WWTR1: variants seen among roughly 807,000 people sequenced by gnomAD.
WWTR1 encodes WW domain containing transcription regulator 1.
In WWTR1, 13 loss-of-function variants were observed where a neutral mutation model predicts 40.1. The ratio of observed to expected loss-of-function variants is 0.32; its 90% CI spans 0.21 to 0.52. The LOEUF is 0.52. WWTR1 is among the 20% of genes least tolerant of loss of function. The pLI is 0.97. For missense variants in WWTR1, 436 were observed against 523.1 expected (o/e 0.83, Z 1.63); for synonymous variants, 230 against 210.1 (o/e 1.09, Z -0.82).
chr3:149,720,124 G>A (rs1715721459), intron 4 of WWTR1, among the ~76,000 whole-genome samples: 3 of 152,064 alleles, frequency 2.0e-5, no homozygotes, highest in East Asian at 3.8e-4. Context: ...AAATTTTCAT[G>A]AAGTCCAATT....
intron 4 of WWTR1, among the ~76,000 whole-genome samples, chr3:149,530,044 A>G (rs1303051084): frequency 2.6e-5 from 4 of 152,182 alleles, no homozygotes; most frequent in African/African-American, 9.7e-5. Flanking sequence ...CTTTATCAAC[A>G]TATGTCTTAA....
chr3:149,588,863 T>G (rs1465891378), intron 2 of WWTR1, among the ~76,000 whole-genome samples: 1 of 151,412 alleles, frequency 6.6e-6, no homozygotes, highest in Non-Finnish European at 1.5e-5. Context: ...TGTCTCTGCC[T>G]TAACTGTGAG....
intron 2 of WWTR1, among the ~76,000 whole-genome samples, chr3:149,636,538 G>A (rs113568466): frequency 1.3e-5 from 2 of 151,704 alleles, no homozygotes; most frequent in South Asian, 2.1e-4. Context: ...ATTTATAGTC[G>A]GGCTAAGAAT....
intron 3 of WWTR1, among the ~76,000 whole-genome samples, chr3:149,568,895 C>T (rs977284858): frequency 3.3e-5 from 5 of 152,130 alleles, no homozygotes; most frequent in East Asian, 1.9e-4. Flanking sequence ...GCCTCCCGAG[C>T]AGCTGGGACT....
chr3:149,561,516 T>C (rs1360281982), intron 3 of WWTR1, among the ~76,000 whole-genome samples: 1 of 152,228 alleles, frequency 6.6e-6, no homozygotes, highest in Non-Finnish European at 1.5e-5. Context: ...TACATACTCT[T>C]TGATCCAGGA....
chr3:149,603,831 C>T (rs1739366359), intron 2 of WWTR1, among the ~76,000 whole-genome samples: 1 of 129,858 alleles, frequency 7.7e-6, no homozygotes. Context: ...AAATCCTCTA[C>T]TGGTGCTACA....
chr3:149,702,820 GAGACTGC>G (rs1483645830), intron 1 of WWTR1: 3 of 152,166 alleles, frequency 2.0e-5, no homozygotes, highest in African/African-American at 7.2e-5. Context: ...CTGCATTTCT[GAGACTGC>G]AAGGCTGTTG....
chr3:149,606,359 T>C (rs1184760922), intron 2 of WWTR1, among the ~76,000 whole-genome samples: 4 of 152,216 alleles, frequency 2.6e-5, no homozygotes, highest in Non-Finnish European at 5.9e-5. Context: ...AAGGCAGTCT[T>C]GGTTTCAAAC....
At chr3:149,665,007 C>G (rs1176837026) in intron 2 of WWTR1, among the ~76,000 whole-genome samples, 2 of 151,882 alleles carry the variant, frequency 1.3e-5, no homozygotes, top group East Asian at 3.9e-4. Flanking sequence ...GTTATTTATC[C>G]TTTAGTATTT....
chr3:149,535,646 C>T (rs1735794166), intron 4 of WWTR1, among the ~76,000 whole-genome samples: 1 of 150,968 alleles, frequency 6.6e-6, no homozygotes, highest in South Asian at 2.1e-4. Flanking sequence ...CAACTGGTTT[C>T]TGTTGTCCTT....
intron 2 of WWTR1, among the ~76,000 whole-genome samples, chr3:149,643,506 A>G (rs148104251): frequency 2.9e-3 from 449 of 152,342 alleles, no homozygotes; most frequent in Non-Finnish European, 4.7e-3. Flanking sequence ...AGTTAGTTAT[A>G]AAACACTGAT....
At chr3:149,557,349 GGC>G (rs1736877093) in intron 3 of WWTR1, among the ~76,000 whole-genome samples, 1 of 152,138 alleles carries the variant, frequency 6.6e-6, no homozygotes. Flanking sequence ...TGGGATTACA[GGC>G]GTGAGCCACT....
At chr3:149,686,024 C>A (rs368615225) in intron 1 of WWTR1, among the ~76,000 whole-genome samples, 3 of 152,262 alleles carry the variant, frequency 2.0e-5, no homozygotes, top group African/African-American at 7.2e-5. Flanking sequence ...GGCTAAGTTT[C>A]TTTGCATGTT....
chr3:149,621,164 T>A (rs1471421040), intron 2 of WWTR1, among the ~76,000 whole-genome samples: 1 of 152,214 alleles, frequency 6.6e-6, no homozygotes, highest in Non-Finnish European at 1.5e-5. Context: ...AAATATGGCA[T>A]TTAAAAGGGC....
At chr3:149,608,206 A>G in intron 2 of WWTR1, among the ~76,000 whole-genome samples, 1 of 152,090 alleles carries the variant, frequency 6.6e-6, no homozygotes, top group Non-Finnish European at 1.5e-5. Flanking sequence ...TTATAACTTC[A>G]AGAAAGACTG....
At chr3:149,693,315 T>C (rs980418909) in intron 1 of WWTR1, among the ~76,000 whole-genome samples, 1 of 152,014 alleles carries the variant, frequency 6.6e-6, no homozygotes, top group Admixed American at 6.6e-5. Flanking sequence ...AAAACATTGA[T>C]GAAAAAAGTT....
intron 3 of WWTR1, among the ~76,000 whole-genome samples, chr3:149,563,943 G>A (rs1289558479): frequency 2.0e-5 from 3 of 152,092 alleles, no homozygotes; most frequent in Non-Finnish European, 2.9e-5. Context: ...TGGTGGAGAC[G>A]GGGTTTCGCC....
chr3:149,621,323 C>T (rs1277814468), intron 2 of WWTR1, among the ~76,000 whole-genome samples: 1 of 152,122 alleles, frequency 6.6e-6, no homozygotes, highest in Non-Finnish European at 1.5e-5. Flanking sequence ...CTTTGTGAAA[C>T]TACATTTCTG....
intron 1 of WWTR1, among the ~76,000 whole-genome samples, chr3:149,685,756 T>C (rs1445116952): frequency 6.6e-6 from 1 of 152,204 alleles, no homozygotes; most frequent in African/African-American, 2.4e-5. Flanking sequence ...CTTCCTCTAG[T>C]ACATACTCAA....
Sources: gnomAD v4.1 joint callset for allele counts (sites outside exome capture counted in the v4.1 genomes callset) on GRCh38, gnomAD v4.1.1 for gene constraint, MANE v1.5 for transcripts, NCBI Gene and HGNC (gene_info 2026-07-23, HGNC 2026-07-21) for gene names.